BCAP29: variants seen among roughly 807,000 people sequenced by gnomAD.
The protein encoded by BCAP29 is B-cell receptor-associated protein 29.
A neutral mutation model predicts 31.8 loss-of-function variants in BCAP29; 34 were observed. The ratio of observed to expected loss-of-function variants is 1.07; its 90% CI spans 0.81 to 1.42. The LOEUF (loss-of-function observed/expected upper bound fraction) is 1.42. Ranked by LOEUF, BCAP29 falls within the 40% of genes most tolerant of loss-of-function variation. BCAP29 has a pLI of 0.00. For synonymous variants in BCAP29, 104 were observed against 91.3 expected, an observed-to-expected ratio of 1.14 and a Z score of -0.79; for missense variants, 314 against 269.2, an observed-to-expected ratio of 1.17 and a Z score of -1.16.
chr7:107,614,359 C>T (rs1418403197), intron 7 of BCAP29, among the ~76,000 whole-genome samples: 1 of 152,142 alleles, frequency 6.6e-6, no homozygotes, highest in Non-Finnish European at 1.5e-5. Flanking sequence ...TGGCTGCATG[C>T]TAGGTTTTTT....
chr7:107,595,546 T>G (rs181852248), intron 4 of BCAP29, among the ~76,000 whole-genome samples: 1 of 152,230 alleles, frequency 6.6e-6, no homozygotes, highest in East Asian at 1.9e-4. Flanking sequence ...CCAAAAAAAA[T>G]AATTCTCCTA....
chr7:107,591,448 T>G (rs1243686755), intron 3 of BCAP29, among the ~76,000 whole-genome samples: 1 of 152,114 alleles, frequency 6.6e-6, no homozygotes, highest in African/African-American at 2.4e-5. Flanking sequence ...AAAAAGGAAT[T>G]TTGACCGCAG....
In BCAP29 at chr7:107,594,111, TA is replaced by T; in HGVS notation, c.344+12del. ...TTTTCCCTATTTTTTTGGCTGTAAGTAAAAAATAATAATAGAAGCACAATTT... is the reference window on the plus strand; with the variant it reads ...TTTTCCCTATTTTTTTGGCTGTAAGTAAAAATAATAATAGAAGCACAATTT... On this transcript the variant is annotated splice_region_variant and intron_variant, in intron 4 of 7. Transcript: ENST00000005259. The T allele has an allele frequency of 6.3e-7, 1 of 1,582,388 alleles. No homozygotes were observed. The highest frequency in any genetic ancestry group is 1.1e-5 in the South Asian group (1 of 90,082).
intron 7 of BCAP29, among the ~76,000 whole-genome samples, chr7:107,617,013 A>G (rs1455585590): frequency 1.3e-5 from 2 of 152,136 alleles, no homozygotes; most frequent in Non-Finnish European, 2.9e-5. Context: ...TGCTGGGATT[A>G]TAGGCTCGAG....
chr7:107,618,883 A>G lies in BCAP29; in HGVS notation c.*520A>G. The G allele has an allele frequency of 4.7e-6, 1 of 211,976 alleles. No individual in the cohort carries two copies. 13.1% of individuals were successfully genotyped at this position (211,976 alleles called of 1,614,324 possible). ...AAGAGTCGGAAAAAACAATGACCTT[A>G]GTTTTTTTTAAGCCTGATGATACTA... is the stretch of plus-strand genomic sequence containing the variant. On this transcript the variant is annotated 3_prime_UTR_variant, in exon 8 of 8. Transcript: ENST00000005259.
intron 5 of BCAP29, among the ~76,000 whole-genome samples, chr7:107,599,099 AATAT>A (rs1256457435): frequency 7.5e-6 from 1 of 133,750 alleles, no homozygotes; most frequent in African/African-American, 2.8e-5. Flanking sequence ...TATGTATATA[AATAT>A]ATATTTATAA....
intron 4 of BCAP29, among the ~76,000 whole-genome samples, chr7:107,594,632 G>A (rs1311116021): frequency 1.3e-5 from 2 of 152,046 alleles, no homozygotes; most frequent in African/African-American, 4.8e-5. Context: ...CTCCTGAGTA[G>A]CTGGGAGTAC....
At chr7:107,612,889 A>G (rs1813488125) in intron 6 of BCAP29, among the ~76,000 whole-genome samples, 1 of 152,186 alleles carries the variant, frequency 6.6e-6, no homozygotes, top group Admixed American at 6.5e-5. Context: ...AAGAAATTAA[A>G]GAGATATGAT....
In BCAP29 at chr7:107,580,891, A is replaced by G. The variant is rs1374948707; in HGVS notation, c.92+27A>G. On this transcript the variant is annotated intron_variant, in intron 2 of 7. Coordinates refer to ENST00000005259, the MANE Select transcript of BCAP29 (RefSeq NM_018844.4). ...TAGGAAACCTTCAAATCGTTAACTAATAAATATTGGATCGCTCTTAATGTA... is the reference window on the plus strand; with the variant it reads ...TAGGAAACCTTCAAATCGTTAACTAGTAAATATTGGATCGCTCTTAATGTA... 5 of 1,503,518 alleles carry G rather than the reference A, an allele frequency of 3.3e-6. No individual in the cohort carries two copies. Among genetic ancestry groups the G allele is most frequent in the Non-Finnish European group, 4.5e-6 (5 of 1,107,276 alleles). The allele number at this position is 1,503,518 out of a possible 1,614,324, so 93.1% of individuals were successfully genotyped here.
rs1814804472 is a variant in BCAP29 at position 107,620,156 on chromosome 7, C to A, written c.*1793C>A. ...CCTCAACCCTCTCAAGTTTACAAGT[C>A]TGAAACTTTAGACATCAAAAGTTTG... On this transcript the variant is annotated 3_prime_UTR_variant, in exon 8 of 8. Transcript: ENST00000005259. 6.6e-6 allele frequency: 1 copy of A among 152,184 alleles called. No homozygotes were observed. The highest frequency in any genetic ancestry group is 6.5e-5 in the Admixed American group (1 of 15,270). The allele number at this position is 152,184 out of a possible 1,614,324, so 9.4% of individuals were successfully genotyped here. A position where few individuals can be genotyped will look rare whatever the true frequency, so the allele number is the denominator to read the frequency against.
chr7:107,608,150 G>C (rs1302350943), intron 6 of BCAP29, among the ~76,000 whole-genome samples: 1 of 151,108 alleles, frequency 6.6e-6, no homozygotes, highest in Non-Finnish European at 1.5e-5. Flanking sequence ...GTGAATCACT[G>C]TTCACAGCCC....
chr7:107,601,663 A>G (rs1811207142), intron 6 of BCAP29, among the ~76,000 whole-genome samples: 1 of 152,230 alleles, frequency 6.6e-6, no homozygotes, highest in Admixed American at 6.5e-5. Flanking sequence ...ATGAAAATGA[A>G]TTTAATAGTT....
chr7:107,600,459 A>G lies in BCAP29; in HGVS notation c.543A>G (p.Val181=). 6.2e-7 allele frequency: 1 copy of G among 1,611,246 alleles called. No individual in the cohort carries two copies. The highest frequency in any genetic ancestry group is 8.5e-7 in the Non-Finnish European group (1 of 1,178,286). ...TGGAAGCAGAAAATAAAAAACTAGTAGAAGACCAGGAGAAACTGAAAACTG... is the reference window on the plus strand; with the variant it reads ...TGGAAGCAGAAAATAAAAAACTAGTGGAAGACCAGGAGAAACTGAAAACTG... ...CVLEAENKKL[V]EDQEKLKTEL... The change falls in exon 6 of 8, where the codon GTA becomes GTG. Residue 181 remains valine (V), a synonymous_variant. Coordinates refer to ENST00000005259, the MANE Select transcript of BCAP29 (RefSeq NM_018844.4).
intron 2 of BCAP29, 37 bp from the exon 3 acceptor site, chr7:107,583,845 G>T: frequency 2.7e-6 from 3 of 1,096,122 alleles, no homozygotes; most frequent in East Asian, 2.7e-5. Flanking sequence ...CTTTATTTTA[G>T]TTTTTTTATA....
chr7:107,593,906 C>A, intron 3 of BCAP29, 49 bp from the exon 4 acceptor site: 1 of 1,535,006 alleles, frequency 6.5e-7, no homozygotes, highest in South Asian at 1.3e-5. Context: ...TTTTAACAAG[C>A]TTATATTCGT....
Position 107,592,047 on chromosome 7 carries a change from A to G in BCAP29, c.194-1908A>G, listed in dbSNP as rs534409919. On this transcript the variant is annotated intron_variant, in intron 3 of 7. Transcript: ENST00000005259. ...TGCTATCCTTCTGCCTCTGCCTCCC[A>G]AAGTGCTGGGATTACAGGTGTTAGC... 3.9e-5 allele frequency among the ~76,000 whole-genome samples: 6 copies of G among 152,160 alleles called. No homozygotes were observed. In the East Asian group the frequency reaches 5.8e-4, roughly 15 times the overall value.
At chr7:107,582,219 G>A (rs1483189741) in intron 2 of BCAP29, among the ~76,000 whole-genome samples, 1 of 152,200 alleles carries the variant, frequency 6.6e-6, no homozygotes, top group Non-Finnish European at 1.5e-5. Flanking sequence ...CTCCATCAGA[G>A]TGATCTGTAA....
At chr7:107,616,334 G>T (rs1297135795) in intron 7 of BCAP29, 3 of 152,282 alleles carry the variant, frequency 2.0e-5, no homozygotes, top group African/African-American at 7.2e-5. Flanking sequence ...AGCCCAAGAA[G>T]TGGTGGTGGC....
chr7:107,615,155 A>ATG, intron 7 of BCAP29: 1 of 453,602 alleles, frequency 2.2e-6, no homozygotes, highest in Non-Finnish European at 4.4e-6. Context: ...CCATTGTTGA[A>ATG]TGTCTCCATT....
Sources: allele counts gnomAD v4.1 joint callset (sites outside exome capture counted in the v4.1 genomes callset), GRCh38; gene constraint gnomAD v4.1.1; transcripts MANE v1.5; gene names NCBI Gene and HGNC (gene_info 2026-07-23, HGNC 2026-07-21).